Variants in PALM2AKAP2 observed in about 807,000 individuals in gnomAD.
PALM2AKAP2 encodes PALM2-AKAP2 fusion protein.
In PALM2AKAP2, 37 loss-of-function variants were observed where a neutral mutation model predicts 71.5. The observed-to-expected ratio is 0.52, with a 90% confidence interval of 0.40 to 0.68. PALM2AKAP2 has a LOEUF of 0.68. PALM2AKAP2 is among the 30% of genes least tolerant of loss of function. PALM2AKAP2 has a pLI of 0.00. For synonymous variants in PALM2AKAP2, 468 were observed against 478.8 expected, an observed-to-expected ratio of 0.98 and a Z score of 0.29; for missense variants, 1,224 against 1,191.8, an observed-to-expected ratio of 1.03 and a Z score of -0.40.
intron 1 of PALM2AKAP2, among the ~76,000 whole-genome samples, chr9:109,839,064 T>C (rs895338099): frequency 3.3e-5 from 5 of 152,102 alleles, no homozygotes; most frequent in African/African-American, 1.2e-4. Context: ...ATACCAAAGC[T>C]TGGCAGAGAC....
chr9:109,911,972 G>C (rs759810159), intron 3 of PALM2AKAP2, among the ~76,000 whole-genome samples: 16 of 152,198 alleles, frequency 1.1e-4, no homozygotes, highest in Non-Finnish European at 2.2e-4. Flanking sequence ...GCTGGGTTGG[G>C]GGGCTGGGGG....
chr9:109,832,630 A>G (rs2131544322), intron 1 of PALM2AKAP2, among the ~76,000 whole-genome samples: 1 of 152,352 alleles, frequency 6.6e-6, no homozygotes, highest in Admixed American at 6.5e-5. Context: ...TCATGCCTTA[A>G]CAGAACACCC....
At chr9:109,736,647 TA>T (rs1487439896) in intron 1 of PALM2AKAP2, among the ~76,000 whole-genome samples, 1 of 152,194 alleles carries the variant, frequency 6.6e-6, no homozygotes, top group East Asian at 1.9e-4. Flanking sequence ...GCAGATTTCT[TA>T]AATGTATCTA....
In PALM2AKAP2 at chr9:110,014,599, C is replaced by G. The variant is rs139845031; in HGVS notation, c.497-1355C>G. Among the ~76,000 whole-genome samples, 1,317 of 150,778 alleles carry G rather than the reference C, an allele frequency of 8.7e-3. 12 individuals are homozygous for G. Among genetic ancestry groups the G allele is most frequent in the African/African-American group, 0.031 (1,260 of 41,060 alleles). Reference sequence around the variant, plus strand: ...ACCAGCCTGGACAACATGGTGAAACCCTGTCTCTACTAAAAATACAAAAAT... The same window carrying G: ...ACCAGCCTGGACAACATGGTGAAACGCTGTCTCTACTAAAAATACAAAAAT... On this transcript the variant is annotated intron_variant, in intron 6 of 9. Transcript: ENST00000302798.
upstream of PALM2AKAP2, among the ~76,000 whole-genome samples, chr9:109,779,890 G>C (rs548415214): frequency 6.6e-6 from 1 of 152,140 alleles, no homozygotes; most frequent in Non-Finnish European, 1.5e-5. Context: ...TCGGTCAGAC[G>C]CCCCTCTCCA....
At chr9:109,943,215 C>T (rs1831418532) in intron 6 of PALM2AKAP2, 2 of 1,614,190 alleles carry the variant, frequency 1.2e-6, no homozygotes, top group South Asian at 1.1e-5. Flanking sequence ...AATTGGTCCT[C>T]ATTGATGAAG....
At chr9:109,691,905 CACACACATATATATATAT>C (rs1827900327) in intron 1 of PALM2AKAP2, among the ~76,000 whole-genome samples, 6 of 57,274 alleles carry the variant, frequency 1.0e-4, no homozygotes, top group East Asian at 8.6e-4. Context: ...TATATATACA[CACACACATATATATATAT>C]ACACATATAT....
At chr9:109,693,476 C>A (rs1362868101) in intron 1 of PALM2AKAP2, among the ~76,000 whole-genome samples, 1 of 151,726 alleles carries the variant, frequency 6.6e-6, no homozygotes, top group African/African-American at 2.4e-5. Flanking sequence ...TTTATTACTT[C>A]CTTTCTTCCA....
chr9:109,799,660 A>AT (rs543038556), intron 1 of PALM2AKAP2, among the ~76,000 whole-genome samples: 79 of 152,006 alleles, frequency 5.2e-4, no homozygotes, highest in Admixed American at 1.3e-3. Context: ...TGCCTGGTTA[A>AT]TTTTTTTGTA....
At chr9:109,688,031 T>C (rs1454846296) in intron 1 of PALM2AKAP2, among the ~76,000 whole-genome samples, 1 of 152,204 alleles carries the variant, frequency 6.6e-6, no homozygotes, top group Non-Finnish European at 1.5e-5. Flanking sequence ...TTCACCATCT[T>C]ACATGTGAGT....
At chr9:109,928,732 C>T (rs959661665) in intron 5 of PALM2AKAP2, among the ~76,000 whole-genome samples, 2 of 150,578 alleles carry the variant, frequency 1.3e-5, no homozygotes, top group African/African-American at 4.9e-5. Flanking sequence ...AGTGCAGTGG[C>T]GTGGTCTCAG....
At chr9:109,998,585 T>C (rs997849388) in intron 6 of PALM2AKAP2, among the ~76,000 whole-genome samples, 3 of 138,958 alleles carry the variant, frequency 2.2e-5, no homozygotes, top group African/African-American at 8.3e-5. Context: ...CTGAATTGTT[T>C]GTGGCTCAGC....
upstream of PALM2AKAP2, among the ~76,000 whole-genome samples, chr9:110,047,876 G>A (rs1833628565): frequency 6.6e-6 from 1 of 152,296 alleles, no homozygotes; most frequent in Non-Finnish European, 1.5e-5. Context: ...AGGAGGGGAT[G>A]AGAGACTGAA....
At chr9:110,014,803 A>T (rs10115827) in intron 6 of PALM2AKAP2, among the ~76,000 whole-genome samples, 3,725 of 15,670 alleles carry the variant, frequency 0.24, 350 homozygotes, top group African/African-American at 0.36. Context: ...AAAAAAAAAA[A>T]ATGTATATAT....
intron 1 of PALM2AKAP2, among the ~76,000 whole-genome samples, chr9:109,692,933 T>G: frequency 6.6e-6 from 1 of 151,920 alleles, no homozygotes; most frequent in Admixed American, 6.6e-5. Flanking sequence ...TTTCTCTCCT[T>G]CCTTTCCTTC....
At chr9:109,750,577 T>A (rs1159606938) in intron 1 of PALM2AKAP2, among the ~76,000 whole-genome samples, 12 of 150,940 alleles carry the variant, frequency 8.0e-5, no homozygotes, top group African/African-American at 2.4e-4. Flanking sequence ...AGGACGTGTG[T>A]GTGTGTGTGT....
At chr9:109,669,207 A>C (rs1587860848) in intron 1 of PALM2AKAP2, among the ~76,000 whole-genome samples, 1 of 152,130 alleles carries the variant, frequency 6.6e-6, no homozygotes, top group African/African-American at 2.4e-5. Flanking sequence ...GGTACTCTGT[A>C]TCATCTTCAG....
In PALM2AKAP2 at chr9:109,691,891, TATATATATATACACAC is replaced by T. The variant is rs1380926288; in HGVS notation, c.5+51027_5+51042del. On this transcript the variant is annotated intron_variant, in intron 1 of 6. Coordinates refer to the PALM2AKAP2 transcript ENST00000374531. ...ATACACACACACACACATATATATATATATATATATACACACACACATATATATATATACACATATA... is the reference window on the plus strand; with the variant it reads ...ATACACACACACACACATATATATATACACATATATATATATACACATATA... Among the ~76,000 whole-genome samples, 251 of 69,334 alleles carry T rather than the reference TATATATATATACACAC, an allele frequency of 3.6e-3. 7 individuals are homozygous for T. In the South Asian group the frequency reaches 0.05, roughly 14 times the overall value. The allele number at this position is 69,334 out of a possible 152,430, so 45.5% of individuals were successfully genotyped here.
intron 1 of PALM2AKAP2, among the ~76,000 whole-genome samples, chr9:110,116,673 G>A (rs1223696214): frequency 3.3e-5 from 5 of 152,300 alleles, no homozygotes; most frequent in Admixed American, 2.0e-4. Flanking sequence ...TACTCACAGC[G>A]TGTTTCACAA....
Sources: allele counts gnomAD v4.1 joint callset (sites outside exome capture counted in the v4.1 genomes callset), GRCh38; gene constraint gnomAD v4.1.1; transcripts MANE v1.5; gene names NCBI Gene and HGNC (gene_info 2026-07-23, HGNC 2026-07-21).